TUB: variants seen among roughly 807,000 people sequenced by gnomAD.
TUB encodes tubby protein homolog.
TUB carries 33 observed loss-of-function variants against 59.7 expected under a neutral mutation model. The observed-to-expected ratio is 0.55, with a 90% CI of 0.42 to 0.74. TUB has a LOEUF of 0.74. TUB is among the 30% of genes least tolerant of loss of function. TUB has a pLI of 0.00. For synonymous variants in TUB, 293 were observed against 256.4 expected (o/e 1.14, Z -1.36); for missense variants, 659 against 672.0 (o/e 0.98, Z 0.21).
At chr11:8,040,510 C>T (rs559001640) in intron 2 of TUB, among the ~76,000 whole-genome samples, 3 of 152,248 alleles carry the variant, frequency 2.0e-5, no homozygotes, top group South Asian at 2.1e-4. Flanking sequence ...GTGATGATGG[C>T]GCCCTAAAGG....
chr11:8,089,020 C>T (rs1166084064), intron 1 of TUB, among the ~76,000 whole-genome samples: 1 of 152,234 alleles, frequency 6.6e-6, no homozygotes, highest in Non-Finnish European at 1.5e-5. Context: ...GCTTCATTCT[C>T]TCAAATGAGA....
intron 3 of TUB, among the ~76,000 whole-genome samples, chr11:8,093,193 G>A (rs1314691737): frequency 6.6e-6 from 1 of 151,986 alleles, no homozygotes; most frequent in East Asian, 1.9e-4. Flanking sequence ...CGTCCCTCGG[G>A]AGGTGACATC....
intron 10 of TUB, 95 bp downstream of exon 10, chr11:8,100,696 G>GA (rs1010682293): frequency 6.1e-5 from 86 of 1,408,276 alleles, no homozygotes; most frequent in South Asian, 4.8e-4. Context: ...TGTATGTGGA[G>GA]GGGTACCATG....
At position 8,101,808 on chromosome 11, in the gene TUB, T is replaced by C. The variant is rs1477123912; in HGVS notation, c.*189T>C. The stretch of plus-strand genomic sequence containing the variant: ...CTCTGCTACTGAGGCAGGGGAGTAG[T>C]GGAGAGCGGGTGGGTGGGTGTGAAG... On this transcript the variant is annotated 3_prime_UTR_variant, in exon 12 of 12. Coordinates refer to ENST00000299506, the MANE Select transcript of TUB (RefSeq NM_177972.3). 2 of 961,558 alleles carry C rather than the reference T, an allele frequency of 2.1e-6. No individual in the cohort carries two copies. Among genetic ancestry groups the C allele is most frequent in the African/African-American group, 3.3e-5 (2 of 60,002 alleles). The allele number at this position is 961,558 out of a possible 1,614,324, so 59.6% of individuals were successfully genotyped here.
At chr11:8,077,855 C>T (rs1353076373), upstream of TUB, 1 of 152,212 alleles carries the variant, frequency 6.6e-6, no homozygotes, top group Non-Finnish European at 1.5e-5. Context: ...CCACTAAGGC[C>T]ACTGCAGCCC....
At chr11:8,038,568 C>A (rs906846619), upstream of TUB, 1 of 1,108,754 alleles carries the variant, frequency 9.0e-7, no homozygotes, top group African/African-American at 1.6e-5. Flanking sequence ...TGCAGAGAGA[C>A]TTGGCCTCCG....
chr11:8,083,626 T>G, intron 1 of TUB, among the ~76,000 whole-genome samples: 1 of 144,246 alleles, frequency 6.9e-6, no homozygotes, highest in Admixed American at 7.0e-5. Context: ...ACCCCTCCAA[T>G]TCCTTTCCTG....
rs140586450 is a variant in TUB, at chr11:8,097,484, G to A, written c.885+59G>A. The A allele has an allele frequency of 6.2e-3, 9,979 of 1,606,854 alleles. 60 individuals carry two copies. Among genetic ancestry groups the A allele is most frequent in the Middle Eastern group, 0.03 (177 of 5,908 alleles). On this transcript the variant is annotated intron_variant, in intron 7 of 11. Coordinates refer to ENST00000299506, the MANE Select transcript of TUB (RefSeq NM_177972.3). Reference sequence around the variant, plus strand: ...TTTACAGCCCTTTGAAATCCTAGGGGCTGAAATGTGACTGGAAGTCTCATA... The same window carrying A: ...TTTACAGCCCTTTGAAATCCTAGGGACTGAAATGTGACTGGAAGTCTCATA...
upstream of TUB, among the ~76,000 whole-genome samples, chr11:8,079,745 TGGCCAAAA>T (rs539407456): frequency 4.4e-3 from 662 of 151,970 alleles, 4 homozygotes; most frequent in Middle Eastern, 0.02. Context: ...GAACTGTGAT[TGGCCAAAA>T]GGAGGCTGAG....
chr11:8,091,125 C>A (rs1309353777), intron 3 of TUB, among the ~76,000 whole-genome samples: 1 of 152,186 alleles, frequency 6.6e-6, no homozygotes, highest in Non-Finnish European at 1.5e-5. Flanking sequence ...CATCGAACTA[C>A]TGGTAGTTGC....
intron 9 of TUB, among the ~76,000 whole-genome samples, chr11:8,100,055 A>G (rs1304746341): frequency 6.6e-6 from 1 of 152,216 alleles, no homozygotes; most frequent in Non-Finnish European, 1.5e-5. Flanking sequence ...TGTTGAGAAC[A>G]GATGGTGGGA....
intron 1 of TUB, among the ~76,000 whole-genome samples, chr11:8,087,574 C>T (rs1943692407): frequency 6.6e-6 from 1 of 152,252 alleles, no homozygotes; most frequent in South Asian, 2.1e-4. Flanking sequence ...GACCCTGTTG[C>T]TCCTGTCAGC....
chr11:8,049,640 C>T (rs898287780), intron 2 of TUB, among the ~76,000 whole-genome samples: 2 of 148,200 alleles, frequency 1.3e-5, no homozygotes, highest in African/African-American at 5.0e-5. Context: ...AATCACATTA[C>T]TTTTATTGTG....
chr11:8,023,237 C>G (rs939107229), intron 1 of TUB, among the ~76,000 whole-genome samples: 1 of 152,218 alleles, frequency 6.6e-6, no homozygotes, highest in Non-Finnish European at 1.5e-5. Context: ...TTGCACATCA[C>G]TCTGCTGCCT....
chr11:8,103,041 T>C lies in TUB; in HGVS notation c.*1422T>C, dbSNP rs1196736350. On this transcript the variant is annotated 3_prime_UTR_variant, in exon 12 of 12. Transcript: ENST00000299506. ...AGTTCCCTGTTGAAAGTTGTCTGGC[T>C]TTTTGCACGTGAGTATGATCCAGGA... The C allele has an allele frequency of 1.3e-5, 2 of 152,278 alleles. No homozygotes were observed. Among genetic ancestry groups the C allele is most frequent in the African/African-American group, 4.8e-5 (2 of 41,460 alleles). 9.4% of individuals were successfully genotyped at this position (152,278 alleles called of 1,614,324 possible). A position where few individuals can be genotyped will look rare whatever the true frequency, so the allele number is the denominator to read the frequency against.
At chr11:8,066,581 C>T (rs932056150) in intron 2 of TUB, among the ~76,000 whole-genome samples, 15 of 152,182 alleles carry the variant, frequency 9.9e-5, no homozygotes, top group African/African-American at 3.1e-4. Context: ...CTCAGACTTC[C>T]CTGGGCAGCC....
At chr11:8,019,308 G>T in exon 1 of TUB, 2 of 1,277,108 alleles carry the variant, frequency 1.6e-6, no homozygotes, top group South Asian at 2.9e-5. Flanking sequence ...CGGCGATGGA[G>T]GGAGTCAGCA....
At chr11:8,062,433 G>A (rs1314354557) in intron 2 of TUB, among the ~76,000 whole-genome samples, 1 of 152,022 alleles carries the variant, frequency 6.6e-6, no homozygotes, top group African/African-American at 2.4e-5. Context: ...GATCTAGGGA[G>A]CCAGGCGCTG....
intron 3 of TUB, among the ~76,000 whole-genome samples, chr11:8,092,305 C>T (rs956765877): frequency 6.6e-6 from 1 of 152,026 alleles, no homozygotes; most frequent in African/African-American, 2.4e-5. Context: ...GTGGTGACAC[C>T]TGCCTGTAGT....
Sources: gnomAD v4.1 joint callset for allele counts (sites outside exome capture counted in the v4.1 genomes callset) on GRCh38, gnomAD v4.1.1 for gene constraint, MANE v1.5 for transcripts, NCBI Gene and HGNC (gene_info 2026-07-23, HGNC 2026-07-21) for gene names.